The following NEGR1 variants were observed in gnomAD, a reference collection of about 807,000 sequenced individuals.
NEGR1 encodes neuronal growth regulator 1.
In NEGR1, 10 loss-of-function variants were observed where a neutral mutation model predicts 40.9. The observed-to-expected ratio is 0.24, with a 90% CI of 0.15 to 0.42. NEGR1 has a LOEUF of 0.42. NEGR1 is among the 10% of genes least tolerant of loss of function. The pLI is 1.00. For synonymous variants in NEGR1, 185 were observed against 166.8 expected (o/e 1.11, Z -0.84); for missense variants, 352 against 438.9 (o/e 0.80, Z 1.77).
At chr1:72,162,399 T>A (rs1244301279) in intron 1 of NEGR1, among the ~76,000 whole-genome samples, 1 of 151,998 alleles carries the variant, frequency 6.6e-6, no homozygotes, top group African/African-American at 2.4e-5. Flanking sequence ...GAGGCAGAGG[T>A]TGCAGTAAGC....
intron 4 of NEGR1, among the ~76,000 whole-genome samples, chr1:71,612,240 A>C (rs918019794): frequency 4.6e-5 from 7 of 152,172 alleles, no homozygotes; most frequent in Non-Finnish European, 7.3e-5. Flanking sequence ...ACAAAACAAA[A>C]AAGAAATGTA....
intron 1 of NEGR1, among the ~76,000 whole-genome samples, chr1:72,015,492 C>A (rs868348128): frequency 6.6e-6 from 1 of 151,782 alleles, no homozygotes; most frequent in East Asian, 1.9e-4. Flanking sequence ...AGGTTTTTAC[C>A]GTAAATAAAA....
At chr1:71,803,932 T>C (rs1313332607) in intron 2 of NEGR1, among the ~76,000 whole-genome samples, 1 of 152,164 alleles carries the variant, frequency 6.6e-6, no homozygotes, top group Non-Finnish European at 1.5e-5. Flanking sequence ...AATGGAAATG[T>C]ATTTATATTT....
intron 6 of NEGR1, among the ~76,000 whole-genome samples, chr1:71,500,904 A>T (rs1376770760): frequency 6.6e-6 from 1 of 151,880 alleles, no homozygotes; most frequent in African/African-American, 2.4e-5. Flanking sequence ...ATGTTTTGTT[A>T]TTTTTTATTT....
chr1:71,561,608 G>A (rs931435753), intron 6 of NEGR1, among the ~76,000 whole-genome samples: 8 of 151,708 alleles, frequency 5.3e-5, no homozygotes, highest in African/African-American at 1.9e-4. Flanking sequence ...ATAGTCATCT[G>A]AAATAGAAAT....
chr1:72,024,098 A>G (rs1289009430), intron 1 of NEGR1, among the ~76,000 whole-genome samples: 2 of 152,106 alleles, frequency 1.3e-5, no homozygotes, highest in African/African-American at 4.8e-5. Flanking sequence ...ACTCAAGGCA[A>G]CACCCTTGTT....
intron 5 of NEGR1, among the ~76,000 whole-genome samples, chr1:71,609,296 A>G (rs12744224): frequency 3.3e-5 from 5 of 151,770 alleles, no homozygotes; most frequent in Non-Finnish European, 7.4e-5. Flanking sequence ...CGGGTGGATC[A>G]CAAGGTCAGG....
chr1:71,954,000 A>G (rs1169471542), intron 1 of NEGR1, among the ~76,000 whole-genome samples: 1 of 152,052 alleles, frequency 6.6e-6, no homozygotes, highest in African/African-American at 2.4e-5. Flanking sequence ...CTATACCATA[A>G]GAGACATAAT....
intron 1 of NEGR1, among the ~76,000 whole-genome samples, chr1:72,255,635 C>T (rs1021862765): frequency 1.4e-4 from 21 of 150,748 alleles, no homozygotes; most frequent in Non-Finnish European, 3.0e-4. Flanking sequence ...CTGCAACCTC[C>T]GCCCTCCCGG....
At chr1:71,664,686 C>G (rs557814063) in intron 4 of NEGR1, among the ~76,000 whole-genome samples, 1 of 152,080 alleles carries the variant, frequency 6.6e-6, no homozygotes, top group African/African-American at 2.4e-5. Flanking sequence ...CTTTGCCTTA[C>G]TATCAGTCAA....
At chr1:71,756,221 G>A (rs974406042) in intron 3 of NEGR1, among the ~76,000 whole-genome samples, 6 of 152,058 alleles carry the variant, frequency 3.9e-5, no homozygotes, top group Non-Finnish European at 7.4e-5. Flanking sequence ...TCACTTCTGT[G>A]TGAAAATCTG....
At position 72,091,819 on chromosome 1, in the gene NEGR1, T is replaced by C. The variant is rs149467904; in HGVS notation, c.177-156508A>G. Among the ~76,000 whole-genome samples, 849 of 152,262 alleles carry C rather than the reference T, an allele frequency of 5.6e-3. 5 individuals carry two copies. The highest frequency in any genetic ancestry group is 0.019 in the African/African-American group (808 of 41,556). On this transcript the variant is annotated intron_variant, in intron 1 of 6. Coordinates refer to ENST00000357731, the MANE Select transcript of NEGR1 (RefSeq NM_173808.3). Reference sequence around the variant, plus strand: ...GACACACAGAAGTCCAATATCAAGATGCCAATAAGGTAGGTTTCTTTCTGA... The same window carrying C: ...GACACACAGAAGTCCAATATCAAGACGCCAATAAGGTAGGTTTCTTTCTGA...
At chr1:71,455,928 T>C (rs567146528) in intron 6 of NEGR1, among the ~76,000 whole-genome samples, 1 of 152,358 alleles carries the variant, frequency 6.6e-6, no homozygotes, top group African/African-American at 2.4e-5. Flanking sequence ...CAATATCATG[T>C]GTTGCTCCTT....
At chr1:72,016,607 T>A (rs962885226) in intron 1 of NEGR1, among the ~76,000 whole-genome samples, 6 of 152,198 alleles carry the variant, frequency 3.9e-5, no homozygotes, top group Non-Finnish European at 8.8e-5. Context: ...GACCCTTAAA[T>A]GCTGAGATCT....
chr1:71,612,970 A>G (rs1570105916), intron 4 of NEGR1, among the ~76,000 whole-genome samples: 1 of 152,236 alleles, frequency 6.6e-6, no homozygotes. Flanking sequence ...AGGACCTCTC[A>G]GGTCATTTCA....
chr1:72,114,102 A>C (rs1649489610), intron 1 of NEGR1, among the ~76,000 whole-genome samples: 1 of 151,790 alleles, frequency 6.6e-6, no homozygotes. Flanking sequence ...TGTATGTGTT[A>C]ACTTAGCCGG....
At chr1:72,199,146 CAGACAGAGAGAGAGAGAG>C (rs1296513108) in intron 1 of NEGR1, among the ~76,000 whole-genome samples, 2 of 139,086 alleles carry the variant, frequency 1.4e-5, no homozygotes, top group Non-Finnish European at 3.1e-5. Context: ...TCTAGATAGA[CAGACAGAGAGAGAGAGAG>C]AGAGAGAGAG....
intron 4 of NEGR1, among the ~76,000 whole-genome samples, chr1:71,691,235 T>C (rs1653267655): frequency 6.6e-6 from 1 of 151,966 alleles, no homozygotes; most frequent in Non-Finnish European, 1.5e-5. Flanking sequence ...TAACTGCATG[T>C]TTAATAACAG....
intron 1 of NEGR1, among the ~76,000 whole-genome samples, chr1:72,271,782 T>G (rs1259331806): frequency 2.0e-5 from 3 of 151,862 alleles, no homozygotes; most frequent in Non-Finnish European, 2.9e-5. Context: ...GGGAGGGACC[T>G]AGGGGAAGTA....
Sources: allele counts gnomAD v4.1 joint callset (sites outside exome capture counted in the v4.1 genomes callset), GRCh38; gene constraint gnomAD v4.1.1; transcripts MANE v1.5; gene names NCBI Gene and HGNC (gene_info 2026-07-23, HGNC 2026-07-21).